LRRC8D: variants seen among roughly 807,000 people sequenced by gnomAD.
LRRC8D encodes the protein volume-regulated anion channel subunit LRRC8D.
In LRRC8D, 20 loss-of-function variants were observed where a neutral mutation model predicts 55.8. The ratio of observed to expected loss-of-function variants is 0.36; its 90% CI spans 0.25 to 0.52. LRRC8D has a LOEUF of 0.52. LRRC8D is among the 20% of genes least tolerant of loss of function. The pLI, the probability that LRRC8D is intolerant of heterozygous loss-of-function variation, is 0.93. For missense variants in LRRC8D, 651 were observed against 1,030.8 expected, an observed-to-expected ratio of 0.63 and a Z score of 5.05; for synonymous variants, 352 against 377.0, an observed-to-expected ratio of 0.93 and a Z score of 0.77.
intron 2 of LRRC8D, among the ~76,000 whole-genome samples, chr1:89,888,978 A>G (rs1662493458): frequency 6.6e-6 from 1 of 152,206 alleles, no homozygotes; most frequent in Non-Finnish European, 1.5e-5. Flanking sequence ...CTCTCAAAGA[A>G]GTGGGTTATA....
chr1:89,836,888 A>C (rs1661015731), intron 1 of LRRC8D, among the ~76,000 whole-genome samples: 1 of 152,328 alleles, frequency 6.6e-6, no homozygotes, highest in South Asian at 2.1e-4. Flanking sequence ...TTTGATTAAA[A>C]CAGCGTGAGT....
intron 2 of LRRC8D, among the ~76,000 whole-genome samples, chr1:89,928,528 T>A (rs1011317337): frequency 1.3e-5 from 2 of 151,948 alleles, no homozygotes; most frequent in African/African-American, 4.8e-5. Context: ...GGTGGCAGAG[T>A]AGACAATGTG....
intron 2 of LRRC8D, among the ~76,000 whole-genome samples, chr1:89,895,381 A>G (rs1662681243): frequency 6.6e-6 from 1 of 152,228 alleles, no homozygotes; most frequent in Non-Finnish European, 1.5e-5. Flanking sequence ...TGGCTCAGAA[A>G]AATTCCCAGC....
intron 2 of LRRC8D, among the ~76,000 whole-genome samples, chr1:89,928,162 C>T (rs1663615222): frequency 6.6e-6 from 1 of 152,118 alleles, no homozygotes; most frequent in Non-Finnish European, 1.5e-5. Flanking sequence ...CTCCGCCACC[C>T]GGTTTCGAGC....
rs545480099 is a variant in LRRC8D, at chr1:89,841,380, CAG to C, written c.-147-2257_-147-2256del. On this transcript the variant is annotated intron_variant, in intron 1 of 2. Transcript: ENST00000337338. Reference sequence around the variant, plus strand: ...GGTGTAGTTCATCGTCTGGAGGCCTCAGTATTGTCAAGACCACCCCCCCCCTT... The same window carrying C: ...GGTGTAGTTCATCGTCTGGAGGCCTCTATTGTCAAGACCACCCCCCCCCTT... 8.6e-5 allele frequency among the ~76,000 whole-genome samples: 12 copies of C among 139,786 alleles called. No individual in the cohort carries two copies. In the South Asian group the frequency reaches 2.6e-3, roughly 30 times the overall value. 91.7% of individuals were successfully genotyped at this position (139,786 alleles called of 152,430 possible).
rs891966431 is a variant in LRRC8D, at chr1:89,911,288, T to C, written c.-2-21779T>C. ...AAATTTTATGACGGGATAAGCAATA[T>C]GGTGGTTAGCAAGATTAATGTTTAC... On this transcript the variant is annotated intron_variant, in intron 2 of 2. Transcript: ENST00000337338. The surrounding 1 kb of genome is among the most constrained non-coding windows in gnomAD (Gnocchi z 4.0). Among the ~76,000 whole-genome samples the C allele has an allele frequency of 1.3e-5, 2 of 152,134 alleles. No homozygotes were observed. The highest frequency in any genetic ancestry group is 2.4e-5 in the African/African-American group (1 of 41,500).
intron 1 of LRRC8D, among the ~76,000 whole-genome samples, chr1:89,831,498 C>T (rs1023055226): frequency 3.3e-5 from 5 of 151,890 alleles, no homozygotes; most frequent in Non-Finnish European, 7.4e-5. Context: ...GTAAGAGCCA[C>T]TTGGAGTTGA....
Position 89,844,777 on chromosome 1 carries a change from C to A in LRRC8D, c.-3+995C>A, listed in dbSNP as rs759065942. Among the ~76,000 whole-genome samples, 44 of 152,320 alleles carry A rather than the reference C, an allele frequency of 2.9e-4. No homozygotes were observed. In the Middle Eastern group the frequency reaches 0.02, roughly 71 times the overall value. On this transcript the variant is annotated intron_variant, in intron 2 of 2. Coordinates refer to ENST00000337338, the MANE Select transcript of LRRC8D (RefSeq NM_001134479.2). ...ACTTCTCCCCCCAGTGAAAGCCTAG[C>A]CTTGTTTTACCGCCTGTTTATCTAC...
intron 2 of LRRC8D, among the ~76,000 whole-genome samples, chr1:89,851,779 G>A (rs1661424098): frequency 6.6e-6 from 1 of 151,954 alleles, no homozygotes; most frequent in Non-Finnish European, 1.5e-5. Flanking sequence ...CAAAGTGCTA[G>A]GATTACAGGC....
At chr1:89,909,163 A>ACT (rs1663070103) in intron 2 of LRRC8D, among the ~76,000 whole-genome samples, 1 of 152,124 alleles carries the variant, frequency 6.6e-6, no homozygotes, top group African/African-American at 2.4e-5. Flanking sequence ...CTGGGCAGGA[A>ACT]GCTCTATGTG....
chr1:89,876,027 C>T (rs1053449078), intron 2 of LRRC8D, among the ~76,000 whole-genome samples: 1 of 152,152 alleles, frequency 6.6e-6, no homozygotes, highest in Non-Finnish European at 1.5e-5. Flanking sequence ...ATGTCAGCCC[C>T]TGAGGTCCTT....
At chr1:89,870,369 G>A (rs528961951) in intron 2 of LRRC8D, among the ~76,000 whole-genome samples, 202 of 149,818 alleles carry the variant, frequency 1.3e-3, no homozygotes, top group African/African-American at 4.8e-3. Context: ...CCAGCTACAC[G>A]GGAGGCTGAG....
At chr1:89,858,093 G>A (rs1331940185) in intron 2 of LRRC8D, among the ~76,000 whole-genome samples, 1 of 152,160 alleles carries the variant, frequency 6.6e-6, no homozygotes, top group South Asian at 2.1e-4. Flanking sequence ...GCCGGGCGTG[G>A]TGGCAAGCAC....
intron 2 of LRRC8D, among the ~76,000 whole-genome samples, chr1:89,891,261 T>C (rs1017823978): frequency 6.6e-6 from 1 of 152,180 alleles, no homozygotes; most frequent in African/African-American, 2.4e-5. Context: ...ATTTGGGTTT[T>C]CTGGTATTTT....
chr1:89,844,103 CCT>C (rs1661214431), intron 2 of LRRC8D, among the ~76,000 whole-genome samples: 1 of 152,222 alleles, frequency 6.6e-6, no homozygotes, highest in Non-Finnish European at 1.5e-5. Context: ...CCCTCTCCAC[CCT>C]CTCCTCCAGC....
intron 2 of LRRC8D, among the ~76,000 whole-genome samples, chr1:89,882,188 C>G (rs1171034996): frequency 6.6e-6 from 1 of 152,210 alleles, no homozygotes; most frequent in East Asian, 1.9e-4. Context: ...TCCTGTAGAA[C>G]AGTAGCTATG....
chr1:89,936,186 C>G lies in LRRC8D; in HGVS notation c.*541C>G, dbSNP rs572641341. On this transcript the variant is annotated 3_prime_UTR_variant, in exon 3 of 3. Transcript: ENST00000337338. ...CACCTCTCACAACAGTTGACTGGTA[C>G]TGCTGCTCCTGAGCACCTCGTGTCA... The G allele has an allele frequency of 1.2e-5, 2 of 167,920 alleles. No individual in the cohort carries two copies. The highest frequency in any genetic ancestry group is 2.1e-4 in the South Asian group (1 of 4,848). 10.4% of individuals were successfully genotyped at this position (167,920 alleles called of 1,614,324 possible).
chr1:89,865,230 C>A (rs2100806277), intron 2 of LRRC8D, among the ~76,000 whole-genome samples: 2 of 151,936 alleles, frequency 1.3e-5, no homozygotes, highest in South Asian at 4.2e-4. Flanking sequence ...GTGCTTAGCA[C>A]ACAACCTGTG....
chr1:89,930,148 T>C (rs946872917), intron 2 of LRRC8D, among the ~76,000 whole-genome samples: 7 of 152,230 alleles, frequency 4.6e-5, no homozygotes, highest in African/African-American at 1.7e-4. Flanking sequence ...TGAGGACCGC[T>C]GCCCTACTTG....
Sources: gnomAD v4.1 joint callset for allele counts (sites outside exome capture counted in the v4.1 genomes callset) on GRCh38, gnomAD v4.1.1 for gene constraint, Gnocchi (gnomAD v3.1) non-coding constraint, MANE v1.5 for transcripts, NCBI Gene and HGNC (gene_info 2026-07-23, HGNC 2026-07-21) for gene names.